Variants in LUZP1 observed in about 807,000 individuals in gnomAD.
LUZP1 encodes filamin mechanobinding actin cross-linking protein.
A neutral mutation model predicts 71.3 loss-of-function variants in LUZP1; 25 were observed. The observed-to-expected ratio is 0.35, with a 90% CI of 0.26 to 0.49. The LOEUF (loss-of-function observed/expected upper bound fraction) is 0.49. LUZP1 is among the 20% of genes least tolerant of loss of function. The pLI is 0.99. For synonymous variants in LUZP1, 481 were observed against 506.4 expected, an observed-to-expected ratio of 0.95 and a Z score of 0.67; for missense variants, 1,142 against 1,300.8, an observed-to-expected ratio of 0.88 and a Z score of 1.88.
At chr1:23,168,102 C>G (rs931768525) in intron 2 of LUZP1, among the ~76,000 whole-genome samples, 1 of 148,634 alleles carries the variant, frequency 6.7e-6, no homozygotes, top group African/African-American at 2.4e-5. Context: ...CAGCAGAGCG[C>G]CCGGGACGCG....
At chr1:23,172,416 T>G (rs1431233529) in intron 1 of LUZP1, among the ~76,000 whole-genome samples, 1 of 152,088 alleles carries the variant, frequency 6.6e-6, no homozygotes, top group African/African-American at 2.4e-5. Flanking sequence ...CCCAGTGCTT[T>G]GGGTGGCCAA....
At chr1:23,092,272 C>G in exon 4 of LUZP1, 1 of 1,614,134 alleles carries the variant, frequency 6.2e-7, no homozygotes, top group Non-Finnish European at 8.5e-7. Flanking sequence ...GATGCTATGT[C>G]CAAGTCATCA....
chr1:23,117,492 A>AC lies in LUZP1; in HGVS notation c.-225-8366dup, dbSNP rs1404555999. On this transcript the variant is annotated intron_variant, in intron 2 of 4. Transcript: ENST00000302291. ...CTCTCTCTCTCCCCCCCCCCCCCCC[A>AC]CAATCAGGAAGCCCTGGGGGGGGGG... 2.8e-4 allele frequency among the ~76,000 whole-genome samples: 6 copies of AC among 21,508 alleles called. No individual in the cohort carries two copies. The South Asian group carries it at 0.016, about 57-fold the overall frequency. 14.1% of individuals were successfully genotyped at this position (21,508 alleles called of 152,430 possible).
intron 2 of LUZP1, among the ~76,000 whole-genome samples, chr1:23,136,295 AACACACACACACACACACACAC>A (rs10578041): frequency 2.3e-5 from 3 of 130,162 alleles, no homozygotes; most frequent in South Asian, 2.6e-4. Context: ...TTCCGTCTTA[AACACACACACACACACACACAC>A]ACACACACAC....
intron 2 of LUZP1, among the ~76,000 whole-genome samples, chr1:23,144,136 T>C (rs1429521857): frequency 1.3e-5 from 2 of 152,208 alleles, no homozygotes; most frequent in African/African-American, 2.4e-5. Context: ...AGAGAAATGC[T>C]AGCCAAGAGA....
chr1:23,119,052 A>G (rs574671163), intron 2 of LUZP1, among the ~76,000 whole-genome samples: 2 of 152,146 alleles, frequency 1.3e-5, no homozygotes, highest in Non-Finnish European at 2.9e-5. Context: ...ATGTTGTTTT[A>G]TATTCCCCGT....
At chr1:23,159,954 C>A (rs1050510885) in intron 2 of LUZP1, among the ~76,000 whole-genome samples, 2 of 152,090 alleles carry the variant, frequency 1.3e-5, no homozygotes, top group African/African-American at 2.4e-5. Flanking sequence ...CCACTGCACT[C>A]CAGCATGGGC....
intron 2 of LUZP1, among the ~76,000 whole-genome samples, chr1:23,143,928 C>T (rs532745134): frequency 8.9e-4 from 135 of 152,294 alleles, no homozygotes; most frequent in African/African-American, 3.2e-3. Context: ...ACTGCCTTAT[C>T]CTAAAGCTCT....
chr1:23,168,355 G>A (rs1210632299), intron 2 of LUZP1, among the ~76,000 whole-genome samples: 1 of 55,702 alleles, frequency 1.8e-5, no homozygotes, highest in Non-Finnish European at 3.5e-5. Flanking sequence ...GTCGGCCCGC[G>A]CCCCCTCCCC....
exon 5 of LUZP1, chr1:23,086,436 A>C (rs1011637028): frequency 4.6e-5 from 7 of 152,654 alleles, no homozygotes; most frequent in Non-Finnish European, 1.0e-4. Context: ...CTTCAACAGG[A>C]CATTTTGAGT....
chr1:23,096,899 C>T (rs974218667), intron 3 of LUZP1, among the ~76,000 whole-genome samples: 10 of 152,062 alleles, frequency 6.6e-5, no homozygotes, highest in Admixed American at 2.0e-4. Context: ...CCTGAACCCA[C>T]GGGACGGAGG....
At chr1:23,163,460 G>A (rs565472366) in intron 2 of LUZP1, among the ~76,000 whole-genome samples, 241 of 151,314 alleles carry the variant, frequency 1.6e-3, no homozygotes, top group African/African-American at 5.6e-3. Context: ...GGAGGCTGAG[G>A]AAGGAGAACT....
chr1:23,142,714 C>T (rs1244453845), intron 2 of LUZP1, among the ~76,000 whole-genome samples: 17 of 63,530 alleles, frequency 2.7e-4, no homozygotes, highest in African/African-American at 1.1e-3. Flanking sequence ...CACACACACA[C>T]ACACACACAC....
chr1:23,109,428 C>T (rs1410543871), intron 2 of LUZP1, among the ~76,000 whole-genome samples: 2 of 152,314 alleles, frequency 1.3e-5, no homozygotes, highest in South Asian at 4.2e-4. Context: ...CATTCCTCAA[C>T]AGTCTAAAAA....
intron 4 of LUZP1, among the ~76,000 whole-genome samples, chr1:23,089,741 C>T (rs555148671): frequency 1.6e-3 from 237 of 148,302 alleles, no homozygotes; most frequent in African/African-American, 5.7e-3. Flanking sequence ...TACAAGCACG[C>T]ACCACCACAC....
intron 2 of LUZP1, among the ~76,000 whole-genome samples, chr1:23,157,868 C>T (rs1644432355): frequency 6.6e-6 from 1 of 151,432 alleles, no homozygotes; most frequent in Non-Finnish European, 1.5e-5. Flanking sequence ...TTTAATTAGC[C>T]AGGCATGGTG....
intron 1 of LUZP1, among the ~76,000 whole-genome samples, chr1:23,173,343 G>GTTT (rs1557704121): frequency 2.9e-5 from 3 of 102,712 alleles, no homozygotes; most frequent in African/African-American, 3.6e-5. Flanking sequence ...TTTTGTTTTT[G>GTTT]TTTTTTCTTT....
chr1:23,091,806 G>A (rs764336667), exon 4 of LUZP1: 3 of 1,614,134 alleles, frequency 1.9e-6, no homozygotes, highest in Non-Finnish European at 8.5e-7. Flanking sequence ...GCTAGTGGAT[G>A]TGTGCCTCTC....
At chr1:23,146,166 G>A (rs1216690248) in intron 2 of LUZP1, among the ~76,000 whole-genome samples, 1 of 152,044 alleles carries the variant, frequency 6.6e-6, no homozygotes, top group African/African-American at 2.4e-5. Context: ...GAGTAGCTGG[G>A]ACTACAGGCA....
Sources: allele counts gnomAD v4.1 joint callset (sites outside exome capture counted in the v4.1 genomes callset), GRCh38; gene constraint gnomAD v4.1.1; transcripts MANE v1.5; gene names NCBI Gene and HGNC (gene_info 2026-07-23, HGNC 2026-07-21).